ESRRG: variants seen among roughly 807,000 people sequenced by gnomAD.
ESRRG encodes the protein estrogen related receptor gamma, also known as estrogen-related receptor gamma.
A neutral mutation model predicts 44.0 loss-of-function variants in ESRRG; 13 were observed. The observed-to-expected ratio is 0.30, with a 90% CI of 0.19 to 0.47. The LOEUF (loss-of-function observed/expected upper bound fraction) is 0.47, where lower values mean the gene tolerates loss of function less well. Ranked by LOEUF, ESRRG falls within the 20% of genes least tolerant of loss-of-function variation. The pLI, the probability that ESRRG is intolerant of heterozygous loss-of-function variation, is 1.00. For missense variants in ESRRG, 395 were observed against 580.6 expected (o/e 0.68, Z 3.29); for synonymous variants, 215 against 214.6 (o/e 1.00, Z -0.02).
At chr1:216,739,351 T>C (rs189831944) in intron 2 of ESRRG, among the ~76,000 whole-genome samples, 102 of 152,030 alleles carry the variant, frequency 6.7e-4, no homozygotes, top group African/African-American at 2.3e-3. Flanking sequence ...ATTTTTTAAA[T>C]AAAAACAAAA....
At chr1:217,082,579 C>A (rs961708137) in intron 1 of ESRRG, among the ~76,000 whole-genome samples, 1 of 152,072 alleles carries the variant, frequency 6.6e-6, no homozygotes, top group Non-Finnish European at 1.5e-5. Flanking sequence ...ACTAGTTTGC[C>A]TCTTTTTCCT....
chr1:216,755,449 T>C (rs75115936), intron 2 of ESRRG, among the ~76,000 whole-genome samples: 3,382 of 152,158 alleles, frequency 0.022, 56 homozygotes, highest in Non-Finnish European at 0.031. Flanking sequence ...AAAGTGACTA[T>C]ATCATATCCC....
At chr1:216,766,795 C>T (rs1414870265) in intron 2 of ESRRG, among the ~76,000 whole-genome samples, 1 of 152,100 alleles carries the variant, frequency 6.6e-6, no homozygotes, top group African/African-American at 2.4e-5. Flanking sequence ...CCTTATCCAT[C>T]ACTGATCTCA....
chr1:217,015,932 T>C (rs970369220), intron 1 of ESRRG, among the ~76,000 whole-genome samples: 1 of 152,038 alleles, frequency 6.6e-6, no homozygotes, highest in Non-Finnish European at 1.5e-5. Flanking sequence ...AGTTTCACCA[T>C]GTTGACCAGG....
At chr1:217,055,534 C>T (rs2086904070) in intron 1 of ESRRG, among the ~76,000 whole-genome samples, 2 of 152,138 alleles carry the variant, frequency 1.3e-5, no homozygotes, top group Admixed American at 6.5e-5. Context: ...CCTTAATGCC[C>T]TCCACCTGGC....
intron 5 of ESRRG, 45 bp downstream of exon 5, chr1:216,564,174 A>C: frequency 7.7e-7 from 1 of 1,298,036 alleles, no homozygotes; most frequent in Non-Finnish European, 1.0e-6. Flanking sequence ...AACCTAGGGA[A>C]TTAATTGCAA....
In ESRRG at chr1:216,677,342, C is replaced by A; in HGVS notation, c.206G>T (p.Ser69Ile). 1 of 1,614,164 alleles carries A rather than the reference C, an allele frequency of 6.2e-7. No homozygotes were observed. The highest frequency in any genetic ancestry group is 1.1e-5 in the South Asian group (1 of 91,084). The change falls in exon 2 of 7, where the codon AGT (serine) becomes ATT (isoleucine). Residue 69 changes from serine to isoleucine, a missense_variant. Coordinates refer to ENST00000408911, the MANE Select transcript of ESRRG (RefSeq NM_001438.4). ...GTTCTGATGGCCATTCATGGTTGAACTGTAGCTCCCACTGGCGTCTGAAGA... is the reference window on the plus strand; with the variant it reads ...GTTCTGATGGCCATTCATGGTTGAAATGTAGCTCCCACTGGCGTCTGAAGA... ...GGSSDASGSY[S>I]STMNGHQNGL... is the part of the protein sequence containing the mutation.
chr1:216,891,475 T>G (rs2057780779), intron 2 of ESRRG, among the ~76,000 whole-genome samples: 1 of 152,214 alleles, frequency 6.6e-6, no homozygotes. Flanking sequence ...CACACATACG[T>G]GAGCAGACAC....
At chr1:216,898,955 A>T (rs2058744637) in intron 2 of ESRRG, among the ~76,000 whole-genome samples, 1 of 151,752 alleles carries the variant, frequency 6.6e-6, no homozygotes, top group Non-Finnish European at 1.5e-5. Flanking sequence ...TGCTCAATAC[A>T]CTCCCATTAG....
chr1:217,092,409 T>C (rs1417711620), upstream of ESRRG, among the ~76,000 whole-genome samples: 1 of 152,212 alleles, frequency 6.6e-6, no homozygotes. Flanking sequence ...AATATGGGAA[T>C]GGAAGTATTA....
rs11572573 is a variant in ESRRG, at chr1:216,842,140, C to T, written c.-14+97442G>A. ...AACAAAACATCCAACAACCAAAGAT[C>T]ATTTTTGATGCAGGACCATCTTACT... On this transcript the variant is annotated intron_variant, in intron 2 of 7. Coordinates refer to the ESRRG transcript ENST00000359162. 8.7e-3 allele frequency among the ~76,000 whole-genome samples: 1,326 copies of T among 152,256 alleles called. 16 individuals are homozygous for T. The highest frequency in any genetic ancestry group is 0.044 in the East Asian group (227 of 5,182).
intron 1 of ESRRG, among the ~76,000 whole-genome samples, chr1:216,707,700 C>G (rs1002472998): frequency 2.0e-5 from 3 of 152,168 alleles, no homozygotes; most frequent in African/African-American, 7.2e-5. Context: ...AAGACAGTGT[C>G]TCCACATAGC....
intron 2 of ESRRG, among the ~76,000 whole-genome samples, chr1:216,906,808 G>T (rs751273277): frequency 6.6e-6 from 1 of 152,194 alleles, no homozygotes; most frequent in Non-Finnish European, 1.5e-5. Context: ...TCTTAAAGAA[G>T]TAGTTCAACA....
intron 1 of ESRRG, among the ~76,000 whole-genome samples, chr1:216,700,071 A>G (rs1390289938): frequency 6.6e-6 from 1 of 151,770 alleles, no homozygotes; most frequent in African/African-American, 2.4e-5. Flanking sequence ...CGAAGCACCA[A>G]CATCTACTAC....
At chr1:217,005,408 A>AC (rs1261795290) in intron 1 of ESRRG, among the ~76,000 whole-genome samples, 2 of 152,154 alleles carry the variant, frequency 1.3e-5, no homozygotes, top group African/African-American at 4.8e-5. Context: ...TTTGCCCATG[A>AC]CAACTACCAG....
At chr1:216,573,325 C>T (rs2061157023) in intron 3 of ESRRG, among the ~76,000 whole-genome samples, 1 of 151,936 alleles carries the variant, frequency 6.6e-6, no homozygotes, top group African/African-American at 2.4e-5. Context: ...TTGTCTGGCT[C>T]TTTCCATAAC....
chr1:217,062,472 T>C (rs1339207), intron 1 of ESRRG, among the ~76,000 whole-genome samples: 19,633 of 152,116 alleles, frequency 0.13, 1,367 homozygotes, highest in African/African-American at 0.18. Flanking sequence ...ATCCTGTCTC[T>C]TTACATTTGA....
intron 2 of ESRRG, among the ~76,000 whole-genome samples, chr1:216,843,087 C>T (rs1454741887): frequency 1.3e-5 from 2 of 152,050 alleles, no homozygotes; most frequent in African/African-American, 4.8e-5. Context: ...GGACAGAAAA[C>T]CTAGTTGCTG....
At chr1:216,646,427 C>A (rs1319269210) in intron 3 of ESRRG, among the ~76,000 whole-genome samples, 1 of 152,128 alleles carries the variant, frequency 6.6e-6, no homozygotes, top group African/African-American at 2.4e-5. Context: ...AAAAACCTCA[C>A]AAACTAAGTT....
Sources: allele counts gnomAD v4.1 joint callset (sites outside exome capture counted in the v4.1 genomes callset), GRCh38; gene constraint gnomAD v4.1.1; transcripts MANE v1.5; gene names NCBI Gene and HGNC (gene_info 2026-07-23, HGNC 2026-07-21).